TXNRD2: variants seen among roughly 807,000 people sequenced by gnomAD.
The protein encoded by TXNRD2 is thioredoxin reductase 2, also known as thioredoxin reductase 2, mitochondrial.
In TXNRD2, 67 loss-of-function variants were observed where a neutral mutation model predicts 70.8. That is an observed-to-expected ratio of 0.95 (90% CI 0.78 to 1.16). TXNRD2 has a LOEUF of 1.16. TXNRD2 is among the 50% of genes most tolerant of loss of function. TXNRD2 has a pLI of 0.00. For missense variants in TXNRD2, 644 were observed against 719.9 expected (o/e 0.89, Z 1.21); for synonymous variants, 301 against 295.8 (o/e 1.02, Z -0.18).
chr22:19,889,367 CTT>C (rs1939167461), intron 11 of TXNRD2, among the ~76,000 whole-genome samples: 2 of 152,168 alleles, frequency 1.3e-5, no homozygotes, highest in Non-Finnish European at 2.9e-5. Flanking sequence ...AATCCCAACA[CTT>C]TGGGAGGCTG....
At chr22:19,915,878 T>C (rs769084907) in intron 5 of TXNRD2, 35 bp from the exon 6 acceptor site, 1 of 1,589,652 alleles carries the variant, frequency 6.3e-7, no homozygotes. Context: ...AAACACTTCC[T>C]CTGCAAATTA....
In TXNRD2 at chr22:19,938,992, G is replaced by A. The variant is rs147158940; in HGVS notation, c.103+2709C>T. Among the ~76,000 whole-genome samples the A allele has an allele frequency of 3.2e-4, 49 of 152,188 alleles. 1 individual carries two copies. The East Asian group carries it at 9.2e-3, about 29-fold the overall frequency. The stretch of plus-strand genomic sequence containing the variant: ...TACAGGCAAAAAATTCTCCCTAAAC[G>A]AAGGCAAGCCAGTGTCATGGAAAAA... On this transcript the variant is annotated intron_variant, in intron 1 of 17. Coordinates refer to ENST00000400521, the MANE Select transcript of TXNRD2 (RefSeq NM_006440.5).
intron 8 of TXNRD2, among the ~76,000 whole-genome samples, chr22:19,900,815 A>T (rs1939743514): frequency 6.6e-6 from 1 of 152,102 alleles, no homozygotes; most frequent in South Asian, 2.1e-4. Context: ...GCTGCTTTGC[A>T]TATCCTGCCC....
rs1401421492 is a variant in TXNRD2 at position 19,878,608 on chromosome 22, TGTGCAGGCCCTCTCAC to T, written c.1276-187_1276-172del. Among the ~76,000 whole-genome samples the T allele has an allele frequency of 3.9e-5, 6 of 152,172 alleles. No homozygotes were observed. In the East Asian group the frequency reaches 1.2e-3, roughly 29 times the overall value. ...TGAGGGCTTGGCTGGCCACGGGGTG[TGTGCAGGCCCTCTCAC>T]GTGCAGGCAGCCAGTGGCTGGAGCC... On this transcript the variant is annotated intron_variant, in intron 14 of 17. Transcript: ENST00000400521.
intron 11 of TXNRD2, 44 bp downstream of exon 11, chr22:19,895,363 T>C (rs373774952): frequency 1.2e-6 from 2 of 1,612,878 alleles, no homozygotes; most frequent in Non-Finnish European, 1.7e-6. Context: ...TCCATGCACC[T>C]CGGGGAGACC....
At chr22:19,890,364 A>G (rs1017317332) in intron 11 of TXNRD2, among the ~76,000 whole-genome samples, 2 of 152,336 alleles carry the variant, frequency 1.3e-5, no homozygotes, top group Admixed American at 1.3e-4. Flanking sequence ...CACTAAAATA[A>G]AAAGGTGTTA....
chr22:19,939,478 T>C (rs931159264), intron 1 of TXNRD2, among the ~76,000 whole-genome samples: 1 of 152,228 alleles, frequency 6.6e-6, no homozygotes, highest in Non-Finnish European at 1.5e-5. Context: ...CCCCTTAAAC[T>C]GATTTACCTG....
chr22:19,922,847 C>G (rs1418196056), intron 2 of TXNRD2, among the ~76,000 whole-genome samples: 1 of 152,102 alleles, frequency 6.6e-6, no homozygotes, highest in Non-Finnish European at 1.5e-5. Flanking sequence ...CCACCATGCC[C>G]GGCCAATTTT....
chr22:19,889,877 C>T (rs1939189964), intron 11 of TXNRD2, among the ~76,000 whole-genome samples: 1 of 151,994 alleles, frequency 6.6e-6, no homozygotes, highest in Admixed American at 6.6e-5. Context: ...ATGGTGCTGA[C>T]CTATCTCTAG....
intron 12 of TXNRD2, chr22:19,880,980 G>A (rs550691587): frequency 3.4e-5 from 20 of 583,426 alleles, no homozygotes; most frequent in East Asian, 2.5e-4. Context: ...GAGGCTGGCC[G>A]TGCCACCCTC....
intron 1 of TXNRD2, among the ~76,000 whole-genome samples, chr22:19,934,994 CGT>C (rs1941492000): frequency 6.6e-6 from 1 of 152,122 alleles, no homozygotes; most frequent in African/African-American, 2.4e-5. Context: ...GATTGTAAAA[CGT>C]GTGTTTGAAC....
At chr22:19,876,868 G>C (rs916786932) in intron 17 of TXNRD2, 172 bp downstream of exon 17, 4 of 456,222 alleles carry the variant, frequency 8.8e-6, no homozygotes, top group African/African-American at 3.9e-5. Flanking sequence ...GGGCCCCTGG[G>C]AACTTCCCCT....
intron 1 of TXNRD2, chr22:19,933,453 T>C: frequency 7.8e-7 from 1 of 1,289,658 alleles, no homozygotes; most frequent in East Asian, 5.6e-5. Context: ...CAGGTGCCTG[T>C]CCTTCTTGTT....
chr22:19,876,892 G>A (rs748653675), intron 17 of TXNRD2, 148 bp downstream of exon 17: 59 of 525,984 alleles, frequency 1.1e-4, no homozygotes, highest in African/African-American at 1.5e-4. Flanking sequence ...GCCTGTCACC[G>A]CTGTGGCCTG....
intron 1 of TXNRD2, among the ~76,000 whole-genome samples, chr22:19,936,329 C>A (rs1310495370): frequency 6.6e-6 from 1 of 152,164 alleles, no homozygotes; most frequent in Admixed American, 6.5e-5. Context: ...ACTCCTCCCC[C>A]ACCTGACGAT....
chr22:19,915,643 C>T (rs1940602515), intron 6 of TXNRD2, 122 bp downstream of exon 6: 2 of 906,718 alleles, frequency 2.2e-6, no homozygotes, highest in South Asian at 1.4e-5. Context: ...AAAGAAGCCA[C>T]CTTTTTGATT....
chr22:19,877,843 C>T (rs985931344), intron 16 of TXNRD2, among the ~76,000 whole-genome samples: 7 of 152,220 alleles, frequency 4.6e-5, no homozygotes, highest in Admixed American at 1.3e-4. Context: ...GCCCTAGCAG[C>T]GACCCGGGGC....
At chr22:19,914,914 A>G in intron 7 of TXNRD2, 1 of 430,024 alleles carries the variant, frequency 2.3e-6, no homozygotes, top group South Asian at 2.3e-5. Flanking sequence ...GAAAAGGGGG[A>G]ATCAGCAATG....
Position 19,882,861 on chromosome 22 carries a change from G to A in TXNRD2, c.1086+464C>T, listed in dbSNP as rs73148963. ...CAGCTGAGAGCAAAGGACCTGCCCC[G>A]GTGTGATGCCCAGAGAGGCAAGCCA... On this transcript the variant is annotated intron_variant, in intron 12 of 17. Transcript: ENST00000400521. Among the ~76,000 whole-genome samples the A allele has an allele frequency of 2.3e-3, 354 of 152,380 alleles. 1 individual carries two copies. Among genetic ancestry groups the A allele is most frequent in the Non-Finnish European group, 3.7e-3 (250 of 68,038 alleles).
Sources: gnomAD v4.1 joint callset for allele counts (sites outside exome capture counted in the v4.1 genomes callset) on GRCh38, gnomAD v4.1.1 for gene constraint, MANE v1.5 for transcripts, NCBI Gene and HGNC (gene_info 2026-07-23, HGNC 2026-07-21) for gene names.